Variants in ZNF532 observed in about 807,000 individuals in gnomAD.
ZNF532 encodes the protein zinc finger protein 532.
Under a neutral mutation model 89.3 loss-of-function variants are expected in ZNF532, and 22 were observed. The observed-to-expected ratio is 0.25, with a 90% CI of 0.18 to 0.35. The LOEUF is 0.35. Ranked by LOEUF, ZNF532 falls within the 10% of genes least tolerant of loss-of-function variation. The probability of loss-of-function intolerance (pLI) is 1.00; values close to 1 mark genes in which losing one functional copy is unlikely to be tolerated. For synonymous variants in ZNF532, 606 were observed against 649.6 expected, an observed-to-expected ratio of 0.93 and a Z score of 1.02; for missense variants, 1,132 against 1,643.4, an observed-to-expected ratio of 0.69 and a Z score of 5.38.
rs745408937 is a variant in ZNF532, at chr18:58,920,211, A to G, written c.1924A>G (p.Ile642Val). The G allele has an allele frequency of 1.2e-6, 2 of 1,613,646 alleles. No individual in the cohort carries two copies. The change falls in exon 3 of 10, where the codon ATC becomes GTC. Residue 642 changes from isoleucine (I) to valine (V), a missense_variant. Ile to Val is a conservative substitution (Grantham distance 29). Coordinates refer to ENST00000591808, the MANE Select transcript of ZNF532 (RefSeq NM_001375912.1). ...GCACTACGACAGACGGAGCGTGCGC[A>G]TCGAAGTAACGTGCAACCATTGTAC... ...TQHYDRRSVRIEVTCNHCTKN... is the reference protein window; with the variant it reads ...TQHYDRRSVRVEVTCNHCTKN...
rs1555708848 is a variant in ZNF532, at chr18:58,888,711, A to ATATATATAAAAT, written c.-18+23140_-18+23141insAAATTATATATA. ...CAAAAAAAAAATTATATATATATAT[A>ATATATATAAAAT]TATATATATATATAAATTATATATA... is the stretch of plus-strand genomic sequence containing the variant. On this transcript the variant is annotated intron_variant, in intron 2 of 9. Coordinates refer to ENST00000591808, the MANE Select transcript of ZNF532 (RefSeq NM_001375912.1). Among the ~76,000 whole-genome samples, 109 of 12,730 alleles carry ATATATATAAAAT rather than the reference A, an allele frequency of 8.6e-3. 10 individuals are homozygous for ATATATATAAAAT. Among genetic ancestry groups the ATATATATAAAAT allele is most frequent in the Non-Finnish European group, 0.013 (86 of 6,840 alleles). 8.4% of individuals were successfully genotyped at this position (12,730 alleles called of 152,430 possible).
At position 58,892,062 on chromosome 18, in the gene ZNF532, A is replaced by G. The variant is rs184692914; in HGVS notation, c.-17-26209A>G. Among the ~76,000 whole-genome samples the G allele has an allele frequency of 2.7e-3, 404 of 152,382 alleles. 3 individuals are homozygous for G. In the Middle Eastern group the frequency reaches 0.044, roughly 17 times the overall value. On this transcript the variant is annotated intron_variant, in intron 2 of 9. Coordinates refer to ENST00000591808, the MANE Select transcript of ZNF532 (RefSeq NM_001375912.1). The stretch of plus-strand genomic sequence containing the variant: ...AGTGACAGAAGGTATTCTTGGAGAC[A>G]TTTTAAACATAAAAATTATGATTTA...
rs2060241595 is a variant in ZNF532, at chr18:58,910,895, A to G, written c.-17-7376A>G. On this transcript the variant is annotated intron_variant, in intron 2 of 9. Transcript: ENST00000591808. ...TCAGCCTGGTTTGTTTTTTTTTTTT[A>G]AGAGACAGGGTCTTACTCTGTTGCC... Among the ~76,000 whole-genome samples, 5 of 149,628 alleles carry G rather than the reference A, an allele frequency of 3.3e-5. No individual in the cohort carries two copies. The South Asian group carries it at 1.1e-3, about 32-fold the overall frequency.
intron 2 of ZNF532, among the ~76,000 whole-genome samples, chr18:58,898,024 A>T (rs2059360983): frequency 6.6e-6 from 1 of 152,242 alleles, no homozygotes; most frequent in South Asian, 2.1e-4. Context: ...ACAATTTAAA[A>T]TTTTTTGTCA....
Position 58,954,102 on chromosome 18 carries a change from G to A in ZNF532, c.3150+303G>A, listed in dbSNP as rs2064503556. 3 of 1,066,844 alleles carry A rather than the reference G, an allele frequency of 2.8e-6. No homozygotes were observed. The South Asian group carries it at 1.3e-4, about 45-fold the overall frequency. The allele number at this position is 1,066,844 out of a possible 1,614,324, so 66.1% of individuals were successfully genotyped here. A position where few individuals can be genotyped will look rare whatever the true frequency, so the allele number is the denominator to read the frequency against. ...GGAAAGAGAAAAATAGTAAACCAAG[G>A]TTAAAGACATTTGAATTTACCTCTA... On this transcript the variant is annotated intron_variant, in intron 7 of 9. Transcript: ENST00000591808.
intron 8 of ZNF532, 110 bp downstream of exon 8, chr18:58,979,277 C>G (rs1421642271): frequency 1.4e-5 from 9 of 658,434 alleles, no homozygotes; most frequent in Non-Finnish European, 2.3e-5. Context: ...TCCTACATTA[C>G]ATTTCTCAAT....
chr18:58,922,075 C>G (rs908264362), intron 3 of ZNF532, among the ~76,000 whole-genome samples: 42 of 152,008 alleles, frequency 2.8e-4, no homozygotes, highest in South Asian at 2.3e-3. Context: ...CCACGGCACT[C>G]CAGCCTCAGG....
At chr18:58,927,721 TA>T (rs2061641884) in intron 3 of ZNF532, among the ~76,000 whole-genome samples, 1 of 152,170 alleles carries the variant, frequency 6.6e-6, no homozygotes, top group Non-Finnish European at 1.5e-5. Flanking sequence ...ACTCCATGTT[TA>T]AAAAAGATCC....
intron 3 of ZNF532, among the ~76,000 whole-genome samples, chr18:58,932,069 A>C (rs1247806690): frequency 6.6e-6 from 1 of 152,232 alleles, no homozygotes; most frequent in African/African-American, 2.4e-5. Flanking sequence ...ACAGAAACTA[A>C]AGGCAAGGTC....
intron 7 of ZNF532, among the ~76,000 whole-genome samples, chr18:58,960,651 C>G (rs1036778309): frequency 6.6e-6 from 1 of 152,186 alleles, no homozygotes; most frequent in Non-Finnish European, 1.5e-5. Flanking sequence ...ACCCTCTAGA[C>G]AGAAACTGGG....
chr18:58,920,970 G>C (rs565926955), intron 3 of ZNF532, among the ~76,000 whole-genome samples: 2 of 151,932 alleles, frequency 1.3e-5, no homozygotes, highest in South Asian at 4.1e-4. Flanking sequence ...TGCCTGTTGC[G>C]CCAGCTATAT....
Position 58,918,259 on chromosome 18 carries a change from C to T in ZNF532, c.-17-12C>T. On this transcript the variant is annotated splice_polypyrimidine_tract_variant and intron_variant, in intron 2 of 9. Coordinates refer to ENST00000591808, the MANE Select transcript of ZNF532 (RefSeq NM_001375912.1). Reference sequence around the variant, plus strand: ...CAATTACTGATGGAACTATTTTCTGCTCATTTAACAGAACATCTGCTCAAA... The same window carrying T: ...CAATTACTGATGGAACTATTTTCTGTTCATTTAACAGAACATCTGCTCAAA... 6.3e-7 allele frequency: 1 copy of T among 1,595,318 alleles called. No individual in the cohort carries two copies. The highest frequency in any genetic ancestry group is 8.6e-7 in the Non-Finnish European group (1 of 1,169,560).
intron 3 of ZNF532, among the ~76,000 whole-genome samples, chr18:58,922,092 A>G (rs1038554285): frequency 4.6e-5 from 7 of 151,836 alleles, no homozygotes; most frequent in African/African-American, 1.7e-4. Context: ...CAGGTGACAG[A>G]GCAAGACCCT....
intron 8 of ZNF532, 178 bp downstream of exon 8, chr18:58,979,345 A>AT: frequency 2.5e-6 from 1 of 394,010 alleles, no homozygotes; most frequent in Non-Finnish European, 4.5e-6. Flanking sequence ...AAATATGAAA[A>AT]TAAAAAAAAA....
At chr18:58,910,155 C>T (rs1479853122) in intron 2 of ZNF532, among the ~76,000 whole-genome samples, 1 of 152,204 alleles carries the variant, frequency 6.6e-6, no homozygotes, top group African/African-American at 2.4e-5. Context: ...TTAAAGGTCA[C>T]ATCTTGTAAT....
Position 58,918,785 on chromosome 18 carries a change from G to A in ZNF532, c.498G>A (p.Gly166=), listed in dbSNP as rs753341080. 6.2e-7 allele frequency: 1 copy of A among 1,614,186 alleles called. No individual in the cohort carries two copies. Among genetic ancestry groups the A allele is most frequent in the African/African-American group, 1.3e-5 (1 of 75,058 alleles). ...GCTTCAGGTCGAATGTGTTGACGGG[G>A]TCGGCTCCCCAGCAGGACTACGATA... is the stretch of plus-strand genomic sequence containing the variant. ...RSSFRSNVLT[G]SAPQQDYDKL... Residue 166 remains glycine, a synonymous_variant, in exon 3 of 10, where the codon GGG becomes GGA. Transcript: ENST00000591808.
At chr18:58,907,670 A>T (rs1311551162) in intron 2 of ZNF532, among the ~76,000 whole-genome samples, 2 of 152,180 alleles carry the variant, frequency 1.3e-5, no homozygotes, top group Admixed American at 1.3e-4. Context: ...GAGGATGGTC[A>T]GGTAGCTGTG....
chr18:58,880,763 C>CGTGTGTGTGTGTGT (rs1555704697), intron 2 of ZNF532, among the ~76,000 whole-genome samples: 2 of 119,624 alleles, frequency 1.7e-5, no homozygotes, highest in Non-Finnish European at 3.3e-5. Context: ...CGCGCGCGCA[C>CGTGTGTGTGTGTGT]GCGCGCGCGT....
At chr18:58,965,295 A>G (rs939745260) in intron 7 of ZNF532, among the ~76,000 whole-genome samples, 1 of 152,194 alleles carries the variant, frequency 6.6e-6, no homozygotes, top group Non-Finnish European at 1.5e-5. Flanking sequence ...GGCTTACCCT[A>G]CTTACTATCT....
Sources: allele counts gnomAD v4.1 joint callset (sites outside exome capture counted in the v4.1 genomes callset), GRCh38; gene constraint gnomAD v4.1.1; transcripts MANE v1.5; gene names NCBI Gene and HGNC (gene_info 2026-07-23, HGNC 2026-07-21).